Variants in CNOT1 observed in about 807,000 individuals in gnomAD.
CNOT1 encodes CCR4-NOT transcription complex subunit 1.
A neutral mutation model predicts 273.8 loss-of-function variants in CNOT1; 15 were observed. That is an observed-to-expected ratio of 0.05 (90% CI 0.04 to 0.08). The LOEUF (loss-of-function observed/expected upper bound fraction) is 0.08. CNOT1 is among the 10% of genes least tolerant of loss of function. The probability of loss-of-function intolerance (pLI) is 1.00; values close to 1 mark genes in which losing one functional copy is unlikely to be tolerated. For synonymous variants in CNOT1, 1,022 were observed against 1,005.5 expected (o/e 1.02, Z -0.31); for missense variants, 1,644 against 2,912.2 (o/e 0.56, Z 10.02).
At chr16:58,571,691 T>C (rs777007474) in intron 16 of CNOT1, among the ~76,000 whole-genome samples, 10 of 151,478 alleles carry the variant, frequency 6.6e-5, no homozygotes, top group Non-Finnish European at 1.2e-4. Flanking sequence ...GTTAAAATAA[T>C]AGGAGGCCGG....
At chr16:58,623,589 A>G (rs2043438545) in intron 1 of CNOT1, among the ~76,000 whole-genome samples, 1 of 152,230 alleles carries the variant, frequency 6.6e-6, no homozygotes, top group South Asian at 2.1e-4. Context: ...GAGAGCTTCC[A>G]GATAGCTGAG....
chr16:58,549,336 CATT>C (rs2040377622), intron 25 of CNOT1, among the ~76,000 whole-genome samples: 1 of 141,554 alleles, frequency 7.1e-6, no homozygotes, highest in South Asian at 2.3e-4. Context: ...AGAGCATTAT[CATT>C]ATCATGAATA....
In CNOT1 at chr16:58,532,217, A is replaced by C; in HGVS notation, c.6059+15T>G. 1 of 1,609,828 alleles carries C rather than the reference A, an allele frequency of 6.2e-7. No individual in the cohort carries two copies. The highest frequency in any genetic ancestry group is 8.5e-7 in the Non-Finnish European group (1 of 1,176,736). On this transcript the variant is annotated intron_variant, in intron 41 of 48. Coordinates refer to ENST00000317147, the MANE Select transcript of CNOT1 (RefSeq NM_016284.5). ...CCAGCAAACCTTAACACAAAATCGCAAACACAATACTCACCAGAAAGCTGT... is the reference window on the plus strand; with the variant it reads ...CCAGCAAACCTTAACACAAAATCGCCAACACAATACTCACCAGAAAGCTGT...
At chr16:58,524,502 T>A (rs1284244384) in intron 46 of CNOT1, among the ~76,000 whole-genome samples, 1 of 152,070 alleles carries the variant, frequency 6.6e-6, no homozygotes, top group African/African-American at 2.4e-5. Context: ...TTTTGTTATA[T>A]CTTGAATTTA....
intron 1 of CNOT1, among the ~76,000 whole-genome samples, chr16:58,618,072 G>T (rs1474235522): frequency 6.6e-6 from 1 of 152,160 alleles, no homozygotes; most frequent in Non-Finnish European, 1.5e-5. Context: ...AAATCCAGAA[G>T]ATGGTAAGAA....
chr16:58,614,371 T>C (rs2043005861), intron 1 of CNOT1, among the ~76,000 whole-genome samples: 1 of 124,642 alleles, frequency 8.0e-6, no homozygotes, highest in African/African-American at 2.7e-5. Context: ...ACAAACCAAA[T>C]GTGGTTTATG....
At chr16:58,526,511 TAAAAA>T (rs57367601) in intron 44 of CNOT1, among the ~76,000 whole-genome samples, 3 of 80,812 alleles carry the variant, frequency 3.7e-5, no homozygotes, top group African/African-American at 5.3e-5. Context: ...ACTTACTCCT[TAAAAA>T]AAAAAAAAAA....
chr16:58,533,333 T>C (rs13336901), intron 40 of CNOT1, among the ~76,000 whole-genome samples: 29 of 152,014 alleles, frequency 1.9e-4, no homozygotes, highest in African/African-American at 6.5e-4. Flanking sequence ...AGGGACCCAA[T>C]AGGGTTAAGA....
intron 2 of CNOT1, among the ~76,000 whole-genome samples, chr16:58,591,708 C>A (rs1453771658): frequency 2.0e-5 from 3 of 150,964 alleles, no homozygotes; most frequent in African/African-American, 7.3e-5. Flanking sequence ...AAGCCAAGAT[C>A]ATACCATTGC....
chr16:58,565,649 A>G (rs140781301), intron 16 of CNOT1, among the ~76,000 whole-genome samples: 131 of 152,200 alleles, frequency 8.6e-4, no homozygotes, highest in African/African-American at 3.1e-3. Flanking sequence ...TATTTTTTTA[A>G]GTACAACTCA....
chr16:58,580,873 G>T (rs751545295), intron 11 of CNOT1, 113 bp from the exon 12 acceptor site: 4 of 1,040,930 alleles, frequency 3.8e-6, no homozygotes, highest in Non-Finnish European at 5.3e-6. Flanking sequence ...GCAATTTCCC[G>T]TTTAAAATCT....
chr16:58,618,722 C>T (rs1300165935), intron 1 of CNOT1, among the ~76,000 whole-genome samples: 5 of 151,060 alleles, frequency 3.3e-5, no homozygotes, highest in South Asian at 2.1e-4. Context: ...CACATGCATG[C>T]GTGAGATATG....
At position 58,558,564 on chromosome 16, in the gene CNOT1, A is replaced by G. The variant is rs369972014; in HGVS notation, c.2241T>C (p.Pro747=). ...GTGGAAATGCTTTTGCTGGTGACTGAGGGGTACTGAATGCAGAACCCAAAT... is the reference window on the plus strand; with the variant it reads ...GTGGAAATGCTTTTGCTGGTGACTGGGGGGTACTGAATGCAGAACCCAAAT... ...PPNLGSAFST[P]QSPAKAFPPL... is the part of the protein sequence containing the mutation. The change falls in exon 18 of 49, where the codon CCT becomes CCC. Residue 747 remains proline (P), a synonymous_variant. Transcript: ENST00000317147. The G allele has an allele frequency of 5.6e-6, 9 of 1,613,630 alleles. No individual in the cohort carries two copies. The highest frequency in any genetic ancestry group is 7.6e-6 in the Non-Finnish European group (9 of 1,179,778).
rs1296660707 is a variant in CNOT1 at position 58,599,221 on chromosome 16, G to C, written c.102+15C>G. The C allele has an allele frequency of 1.9e-6, 3 of 1,613,906 alleles. No homozygotes were observed. Among genetic ancestry groups the C allele is most frequent in the African/African-American group, 2.7e-5 (2 of 74,896 alleles). On this transcript the variant is annotated intron_variant, in intron 2 of 48. Coordinates refer to ENST00000317147, the MANE Select transcript of CNOT1 (RefSeq NM_016284.5). Reference sequence around the variant, plus strand: ...ATTCCTTTAATGGCACTTGTTTTCTGGCTAGTTTACTTACATGCTGTATTT... The same window carrying C: ...ATTCCTTTAATGGCACTTGTTTTCTCGCTAGTTTACTTACATGCTGTATTT...
chr16:58,618,927 T>C (rs1053307799), intron 1 of CNOT1, among the ~76,000 whole-genome samples: 3 of 152,112 alleles, frequency 2.0e-5, no homozygotes, highest in Admixed American at 6.6e-5. Context: ...GCATGGTGGC[T>C]CCCGCCTGTA....
At position 58,578,742 on chromosome 16, in the gene CNOT1, T is replaced by C; in HGVS notation, c.1541A>G (p.His514Arg). The part of the protein sequence containing the change: ...STLMPIFLGN[H>R]PNSAIILHYA... ...GTGCAAAATAATAGCTGAGTTAGGA[T>C]GGTTTCCAAGGAAAATTGGCATCAG... The change falls in exon 13 of 49, where the codon CAT (histidine) becomes CGT (arginine). Residue 514 changes from histidine to arginine, a missense_variant. Coordinates refer to ENST00000317147, the MANE Select transcript of CNOT1 (RefSeq NM_016284.5). 6.2e-7 allele frequency: 1 copy of C among 1,614,136 alleles called. No homozygotes were observed. Among genetic ancestry groups the C allele is most frequent in the Non-Finnish European group, 8.5e-7 (1 of 1,180,032 alleles).
intron 2 of CNOT1, among the ~76,000 whole-genome samples, chr16:58,590,894 G>T (rs926141502): frequency 2.0e-5 from 3 of 152,226 alleles, no homozygotes; most frequent in Non-Finnish European, 2.9e-5. Flanking sequence ...ACTAGTCTAG[G>T]TGTAAACACA....
Position 58,585,510 on chromosome 16 carries a change from A to T in CNOT1, c.638-4T>A, listed in dbSNP as rs763944444. 4 of 1,610,858 alleles carry T rather than the reference A, an allele frequency of 2.5e-6. No homozygotes were observed. The highest frequency in any genetic ancestry group is 1.3e-5 in the African/African-American group (1 of 74,758). On this transcript the variant is annotated splice_polypyrimidine_tract_variant and splice_region_variant and intron_variant, in intron 7 of 48. Transcript: ENST00000317147. ...GGACAGCGTTCTTGGGGAAAATCTGAGAGAGGAAAAAGGTTACAACTGCTA... is the reference window on the plus strand; with the variant it reads ...GGACAGCGTTCTTGGGGAAAATCTGTGAGAGGAAAAAGGTTACAACTGCTA...
intron 39 of CNOT1, 87 bp downstream of exon 39, chr16:58,536,902 C>CA: frequency 6.5e-7 from 1 of 1,536,164 alleles, no homozygotes; most frequent in Admixed American, 2.0e-5. Context: ...TGTCTGACCA[C>CA]ATGTACGCAA....
Sources: allele counts gnomAD v4.1 joint callset (sites outside exome capture counted in the v4.1 genomes callset), GRCh38; gene constraint gnomAD v4.1.1; transcripts MANE v1.5; gene names NCBI Gene and HGNC (gene_info 2026-07-23, HGNC 2026-07-21).